The following PACSIN2 variants were observed in gnomAD, a reference collection of about 807,000 sequenced individuals.
The protein encoded by PACSIN2 is protein kinase C and casein kinase substrate in neurons protein 2.
In PACSIN2, 25 loss-of-function variants were observed where a neutral mutation model predicts 63.8. The observed-to-expected ratio is 0.39, with a 90% CI of 0.29 to 0.55. The LOEUF (loss-of-function observed/expected upper bound fraction) is 0.55. Ranked by LOEUF, PACSIN2 falls within the 20% of genes least tolerant of loss-of-function variation. The pLI is 0.62. For missense variants in PACSIN2, 518 were observed against 646.9 expected (o/e 0.80, Z 2.16); for synonymous variants, 255 against 256.2 (o/e 1.00, Z 0.05).
chr22:42,902,771 G>A (rs959394554), intron 2 of PACSIN2, among the ~76,000 whole-genome samples: 3 of 152,240 alleles, frequency 2.0e-5, no homozygotes, highest in African/African-American at 2.4e-5. Context: ...GCACCACCAC[G>A]CCTGGCTAAT....
intron 1 of PACSIN2, among the ~76,000 whole-genome samples, chr22:42,938,218 C>T (rs531020407): frequency 2.0e-5 from 3 of 152,254 alleles, no homozygotes; most frequent in South Asian, 2.1e-4. Context: ...TTCCTGGGCT[C>T]GCGAAGCAGC....
intron 1 of PACSIN2, among the ~76,000 whole-genome samples, chr22:42,917,682 T>C (rs559350711): frequency 6.6e-6 from 1 of 152,304 alleles, no homozygotes; most frequent in Admixed American, 6.5e-5. Context: ...GATGAACTAC[T>C]GCTATAGTCC....
chr22:42,887,888 G>A (rs1929609091), intron 5 of PACSIN2, among the ~76,000 whole-genome samples: 1 of 152,180 alleles, frequency 6.6e-6, no homozygotes, highest in South Asian at 2.1e-4. Context: ...GCCTGGTCAC[G>A]GTCTCTCCTT....
intron 1 of PACSIN2, among the ~76,000 whole-genome samples, chr22:42,976,786 A>G (rs1410682838): frequency 6.6e-6 from 1 of 152,192 alleles, no homozygotes; most frequent in African/African-American, 2.4e-5. Flanking sequence ...AACCCTATAC[A>G]GCAGTATTGT....
chr22:42,900,523 C>T (rs1413269827), intron 2 of PACSIN2, among the ~76,000 whole-genome samples: 3 of 152,018 alleles, frequency 2.0e-5, no homozygotes, highest in Admixed American at 6.6e-5. Context: ...ACTGTATTGC[C>T]CAGGCTGGAG....
At chr22:42,898,939 G>A (rs2146688978) in intron 2 of PACSIN2, among the ~76,000 whole-genome samples, 1 of 152,272 alleles carries the variant, frequency 6.6e-6, no homozygotes, top group South Asian at 2.1e-4. Context: ...AGGCGTGCTG[G>A]GGGGACTATC....
chr22:42,997,360 C>A (rs1158163893), intron 1 of PACSIN2, among the ~76,000 whole-genome samples: 10 of 152,126 alleles, frequency 6.6e-5, no homozygotes, highest in Admixed American at 6.5e-4. Flanking sequence ...AGATTGAGAC[C>A]ATCCTGGCTA....
intron 10 of PACSIN2, among the ~76,000 whole-genome samples, chr22:42,875,722 G>A (rs771567963): frequency 3.3e-5 from 5 of 152,240 alleles, no homozygotes; most frequent in South Asian, 2.1e-4. Context: ...TTTTAGTAGA[G>A]ACAGGGTTTC....
At chr22:42,974,454 A>C (rs1048898486) in intron 1 of PACSIN2, among the ~76,000 whole-genome samples, 1 of 152,192 alleles carries the variant, frequency 6.6e-6, no homozygotes, top group African/African-American at 2.4e-5. Context: ...ACTGGAGAAC[A>C]GTAGAGGAGA....
chr22:43,009,500 C>A (rs1385552666), intron 1 of PACSIN2, among the ~76,000 whole-genome samples: 1 of 152,192 alleles, frequency 6.6e-6, no homozygotes, highest in Non-Finnish European at 1.5e-5. Flanking sequence ...TGTCCCCCTT[C>A]GTGGGAAGGG....
At chr22:42,989,446 C>G (rs1458211455) in intron 1 of PACSIN2, among the ~76,000 whole-genome samples, 6 of 143,888 alleles carry the variant, frequency 4.2e-5, no homozygotes, top group South Asian at 2.2e-4. Flanking sequence ...TGCAGTGAGC[C>G]GAGATCACAC....
At chr22:42,964,902 T>C (rs1453048415) in intron 1 of PACSIN2, among the ~76,000 whole-genome samples, 1 of 151,914 alleles carries the variant, frequency 6.6e-6, no homozygotes, top group Non-Finnish European at 1.5e-5. Flanking sequence ...GCAAGACCCA[T>C]GGCTTGGATA....
chr22:42,871,206 AAT>A lies in PACSIN2; in HGVS notation c.*149_*150del. 4.7e-6 allele frequency: 3 copies of A among 636,476 alleles called. No individual in the cohort carries two copies. Among genetic ancestry groups the A allele is most frequent in the Non-Finnish European group, 8.6e-6 (3 of 349,542 alleles). 39.4% of individuals were successfully genotyped at this position (636,476 alleles called of 1,614,324 possible). On this transcript the variant is annotated 3_prime_UTR_variant, in exon 11 of 11. Coordinates refer to ENST00000263246, the MANE Select transcript of PACSIN2 (RefSeq NM_001184970.3). This position sits in a 1 kb window ranked among gnomAD's most constrained non-coding sequence, Gnocchi z 5.4. ...CGGAAAGGTGCCGAGTCCCAGGCGA[AAT>A]GACCAGCTCATCTGCCTTCCAGGAA... is the stretch of plus-strand genomic sequence containing the variant.
intron 1 of PACSIN2, among the ~76,000 whole-genome samples, chr22:42,963,225 G>A (rs1920929218): frequency 6.6e-6 from 1 of 152,256 alleles, no homozygotes; most frequent in Non-Finnish European, 1.5e-5. Context: ...TACAGGCTGA[G>A]CAGAAGTGCA....
At chr22:42,940,716 T>C (rs1464794889) in intron 1 of PACSIN2, among the ~76,000 whole-genome samples, 3 of 152,200 alleles carry the variant, frequency 2.0e-5, no homozygotes, top group African/African-American at 7.2e-5. Flanking sequence ...ACTTTGTGTT[T>C]AATCCCGGAA....
At position 42,979,054 on chromosome 22, in the gene PACSIN2, T is replaced by C. The variant is rs1214149072; in HGVS notation, c.-78+35967A>G. ...AATGCATCCTGTTGACCAATCCCCCTGCAGTATAGCACAGACAACAGGGGT... is the reference window on the plus strand; with the variant it reads ...AATGCATCCTGTTGACCAATCCCCCCGCAGTATAGCACAGACAACAGGGGT... On this transcript the variant is annotated intron_variant, in intron 1 of 10. Coordinates refer to ENST00000263246, the MANE Select transcript of PACSIN2 (RefSeq NM_001184970.3). Among the ~76,000 whole-genome samples the C allele has an allele frequency of 2.0e-5, 3 of 152,162 alleles. 1 individual carries two copies. Among genetic ancestry groups the C allele is most frequent in the Admixed American group, 6.5e-5 (1 of 15,284 alleles).
At chr22:42,971,430 C>T (rs978486876) in intron 1 of PACSIN2, among the ~76,000 whole-genome samples, 11 of 152,194 alleles carry the variant, frequency 7.2e-5, no homozygotes, top group Non-Finnish European at 1.3e-4. Context: ...GATCTCGGCT[C>T]GCTACAACCC....
intron 1 of PACSIN2, among the ~76,000 whole-genome samples, chr22:43,011,448 C>T (rs1294883495): frequency 6.6e-6 from 1 of 152,190 alleles, no homozygotes; most frequent in Admixed American, 6.5e-5. Flanking sequence ...CTGGTAAATG[C>T]CACTGCGAAC....
intron 1 of PACSIN2, among the ~76,000 whole-genome samples, chr22:42,983,496 A>AAAAAC (rs1555944091): frequency 3.5e-5 from 5 of 143,140 alleles, no homozygotes; most frequent in Admixed American, 7.2e-5. Context: ...TCTCAAAAAA[A>AAAAAC]AAAAAAAAAA....
Sources: allele counts gnomAD v4.1 joint callset (sites outside exome capture counted in the v4.1 genomes callset), GRCh38; gene constraint gnomAD v4.1.1; non-coding constraint Gnocchi (gnomAD v3.1); transcripts MANE v1.5; gene names NCBI Gene and HGNC (gene_info 2026-07-23, HGNC 2026-07-21).